KCNJ6: variants seen among roughly 807,000 people sequenced by gnomAD.
The protein encoded by KCNJ6 is potassium inwardly rectifying channel subfamily J member 6, also known as G protein-activated inward rectifier potassium channel 2.
A neutral mutation model predicts 34.2 loss-of-function variants in KCNJ6; 9 were observed. The ratio of observed to expected loss-of-function variants is 0.26; its 90% confidence interval spans 0.16 to 0.46. The LOEUF (loss-of-function observed/expected upper bound fraction) is 0.46. Ranked by LOEUF, KCNJ6 falls within the 20% of genes least tolerant of loss-of-function variation. The probability of loss-of-function intolerance (pLI) is 1.00; values close to 1 mark genes in which losing one functional copy is unlikely to be tolerated. For synonymous variants in KCNJ6, 196 were observed against 207.1 expected (o/e 0.95, Z 0.46); for missense variants, 236 against 531.3 (o/e 0.44, Z 5.46).
rs191731375 is a variant in KCNJ6, at chr21:37,792,612, G to A, written c.25+48046C>T. ...ATATGCTAAGGGTTGTATGCTTATT[G>A]TCTCATCCACTCCTCATAGTAGGCT... On this transcript the variant is annotated intron_variant, in intron 2 of 3. Coordinates refer to ENST00000609713, the MANE Select transcript of KCNJ6 (RefSeq NM_002240.5). Among the ~76,000 whole-genome samples the A allele has an allele frequency of 1.5e-3, 233 of 152,304 alleles. 2 individuals are homozygous for A. The highest frequency in any genetic ancestry group is 2.4e-3 in the Admixed American group (36 of 15,302).
chr21:37,707,947 T>C (rs1490451832), intron 3 of KCNJ6, among the ~76,000 whole-genome samples: 13 of 152,098 alleles, frequency 8.5e-5, no homozygotes, highest in African/African-American at 3.1e-4. Flanking sequence ...CTTTGGAAGA[T>C]GAGTATTGAC....
intron 3 of KCNJ6, among the ~76,000 whole-genome samples, chr21:37,625,808 A>T (rs2054308225): frequency 6.6e-6 from 1 of 152,140 alleles, no homozygotes; most frequent in Non-Finnish European, 1.5e-5. Context: ...TGTCTGGTCC[A>T]CTCTGCTCTG....
chr21:37,889,127 T>A (rs1406284348), intron 1 of KCNJ6, among the ~76,000 whole-genome samples: 1 of 152,194 alleles, frequency 6.6e-6, no homozygotes, highest in Non-Finnish European at 1.5e-5. Flanking sequence ...AAATCAGATG[T>A]GAACCACACG....
intron 2 of KCNJ6, among the ~76,000 whole-genome samples, chr21:37,751,867 G>A (rs1011998320): frequency 2.0e-5 from 3 of 152,126 alleles, no homozygotes; most frequent in African/African-American, 4.8e-5. Context: ...GCCCTAGTAC[G>A]ATGCCTGACA....
Position 37,625,198 on chromosome 21 carries a change from A to G in KCNJ6, c.1233T>C (p.Asn411=). The change falls in exon 4 of 4, where the codon AAT becomes AAC. Residue 411 remains asparagine (N), a synonymous_variant. Coordinates refer to ENST00000609713, the MANE Select transcript of KCNJ6 (RefSeq NM_002240.5). ...EKNLEEQTER[N]GDVANLENES... ...CATTCTCCAGGTTTGCCACATCACC[A>G]TTTCTTTCTGTTTGCTCTTCGAGGT... 6.2e-7 allele frequency: 1 copy of G among 1,614,144 alleles called. No individual in the cohort carries two copies. Among genetic ancestry groups the G allele is most frequent in the Admixed American group, 1.7e-5 (1 of 60,014 alleles).
At chr21:37,913,772 C>T (rs939219530) in intron 1 of KCNJ6, among the ~76,000 whole-genome samples, 5 of 151,900 alleles carry the variant, frequency 3.3e-5, no homozygotes, top group African/African-American at 9.7e-5. Context: ...GAGCCGAGAT[C>T]GAGCCACTGC....
At chr21:37,757,543 A>C in intron 2 of KCNJ6, among the ~76,000 whole-genome samples, 3 of 150,130 alleles carry the variant, frequency 2.0e-5, no homozygotes, top group East Asian at 2.0e-4. Flanking sequence ...TGGAGTGAGC[A>C]CTCCCTCACA....
chr21:37,633,948 C>G (rs1251279878), intron 3 of KCNJ6, among the ~76,000 whole-genome samples: 3 of 151,668 alleles, frequency 2.0e-5, no homozygotes, highest in Non-Finnish European at 4.4e-5. Flanking sequence ...ATGGATTTGA[C>G]AAATCCTTTC....
chr21:37,880,829 C>T lies in KCNJ6; in HGVS notation c.-28+35055G>A, dbSNP rs535945150. ...TAGTGGAAGACCTATTGACAACTCA[C>T]GAATCTCATCCTCCAAGGAAAACAG... is the stretch of plus-strand genomic sequence containing the variant. On this transcript the variant is annotated intron_variant, in intron 1 of 3. Coordinates refer to ENST00000609713, the MANE Select transcript of KCNJ6 (RefSeq NM_002240.5). Among the ~76,000 whole-genome samples, 40 of 152,326 alleles carry T rather than the reference C, an allele frequency of 2.6e-4. No homozygotes were observed. In the South Asian group the frequency reaches 3.1e-3, roughly 12 times the overall value.
intron 3 of KCNJ6, among the ~76,000 whole-genome samples, chr21:37,629,591 G>C (rs1179782467): frequency 6.6e-6 from 1 of 152,198 alleles, no homozygotes; most frequent in Non-Finnish European, 1.5e-5. Flanking sequence ...AAGATTATGT[G>C]AACAGAGGGA....
At chr21:37,790,903 A>C (rs1386412953) in intron 2 of KCNJ6, among the ~76,000 whole-genome samples, 2 of 152,240 alleles carry the variant, frequency 1.3e-5, no homozygotes, top group South Asian at 4.1e-4. Flanking sequence ...TCAAAGTTTA[A>C]TACCTCATCC....
Position 37,617,052 on chromosome 21 carries a change from CTTTTCTTTTCTTTTCTTTTCT to C in KCNJ6, c.*8086_*8106del, listed in dbSNP as rs2054272561. 2.7e-5 allele frequency: 2 copies of C among 74,126 alleles called. No homozygotes were observed. The highest frequency in any genetic ancestry group is 2.8e-5 in the Non-Finnish European group (1 of 35,572). 4.6% of individuals were successfully genotyped at this position (74,126 alleles called of 1,614,324 possible). A position where few individuals can be genotyped will look rare whatever the true frequency, so the allele number is the denominator to read the frequency against. Reference sequence around the variant, plus strand: ...TCTTTCTTTCTTTCTTTCTTTCTTTCTTTTCTTTTCTTTTCTTTTCTTTTCTTTCTTTTTCTTTCTTTCTTT... The same window carrying C: ...TCTTTCTTTCTTTCTTTCTTTCTTTCTTTCTTTCTTTTTCTTTCTTTCTTT... On this transcript the variant is annotated 3_prime_UTR_variant, in exon 4 of 4. Coordinates refer to ENST00000609713, the MANE Select transcript of KCNJ6 (RefSeq NM_002240.5).
chr21:37,756,442 CAG>C (rs1335806308), intron 2 of KCNJ6, among the ~76,000 whole-genome samples: 6 of 152,192 alleles, frequency 3.9e-5, no homozygotes, highest in Non-Finnish European at 7.3e-5. Flanking sequence ...TGCGTGGAAA[CAG>C]AGGCGCAGTC....
intron 1 of KCNJ6, among the ~76,000 whole-genome samples, chr21:37,859,487 T>TTTTATA (rs1763876077): frequency 1.2e-5 from 1 of 84,298 alleles, no homozygotes; most frequent in Non-Finnish European, 2.3e-5. Context: ...TTATATTACT[T>TTTTATA]TATATATATA....
chr21:37,912,259 A>G (rs1204982357), intron 1 of KCNJ6, among the ~76,000 whole-genome samples: 1 of 152,236 alleles, frequency 6.6e-6, no homozygotes, highest in East Asian at 1.9e-4. Context: ...ATTTTGGAGT[A>G]TGCTATTGAC....
chr21:37,775,095 G>A (rs895913222), intron 2 of KCNJ6, among the ~76,000 whole-genome samples: 1 of 152,168 alleles, frequency 6.6e-6, no homozygotes, highest in Non-Finnish European at 1.5e-5. Context: ...TTTCTCTGGT[G>A]GCCAGGGAAG....
intron 3 of KCNJ6, among the ~76,000 whole-genome samples, chr21:37,696,569 G>A (rs1005546): frequency 0.4 from 61,091 of 152,042 alleles, 12,678 homozygotes; most frequent in Non-Finnish European, 0.45. Context: ...ATGAGATTGA[G>A]AGACATGACA....
At chr21:37,631,422 C>G (rs986158180) in intron 3 of KCNJ6, among the ~76,000 whole-genome samples, 3 of 152,090 alleles carry the variant, frequency 2.0e-5, no homozygotes, top group Non-Finnish European at 2.9e-5. Flanking sequence ...TTGAATTAAA[C>G]CTGAGTTCAA....
At chr21:37,868,264 C>A (rs2055633015) in intron 1 of KCNJ6, among the ~76,000 whole-genome samples, 1 of 152,168 alleles carries the variant, frequency 6.6e-6, no homozygotes, top group South Asian at 2.1e-4. Context: ...ATCATTACTG[C>A]AAAGTTTAGG....
Sources: allele counts gnomAD v4.1 joint callset (sites outside exome capture counted in the v4.1 genomes callset), GRCh38; gene constraint gnomAD v4.1.1; transcripts MANE v1.5; gene names NCBI Gene and HGNC (gene_info 2026-07-23, HGNC 2026-07-21).